Variants in WASF3 observed in about 807,000 individuals in gnomAD.
WASF3 encodes the protein WASP family member 3.
In WASF3, 11 loss-of-function variants were observed where a neutral mutation model predicts 46.6. The observed-to-expected ratio is 0.24, with a 90% confidence interval of 0.15 to 0.39. The LOEUF is 0.39. Among genes scored for constraint, WASF3 ranks in the 10% least tolerant of loss-of-function variants. WASF3 has a pLI of 1.00. For missense variants in WASF3, 576 were observed against 669.8 expected, an observed-to-expected ratio of 0.86 and a Z score of 1.55; for synonymous variants, 242 against 259.7, an observed-to-expected ratio of 0.93 and a Z score of 0.65.
intron 5 of WASF3, among the ~76,000 whole-genome samples, chr13:26,669,569 A>G (rs1470526192): frequency 6.6e-6 from 1 of 151,888 alleles, no homozygotes; most frequent in Non-Finnish European, 1.5e-5. Context: ...GCAGGAGTGC[A>G]ATGGCGCAGT....
intron 3 of WASF3, among the ~76,000 whole-genome samples, chr13:26,649,966 G>T (rs542039193): frequency 6.6e-5 from 10 of 152,092 alleles, no homozygotes; most frequent in Middle Eastern, 3.2e-3. Flanking sequence ...AGCTACTCGG[G>T]GGGAGAGGCA....
intron 1 of WASF3, among the ~76,000 whole-genome samples, chr13:26,578,887 A>C (rs1015058024): frequency 2.0e-5 from 3 of 151,888 alleles, no homozygotes; most frequent in African/African-American, 7.3e-5. Flanking sequence ...GATTTTGGGA[A>C]ATGCTTTTTC....
intron 1 of WASF3, among the ~76,000 whole-genome samples, chr13:26,590,691 A>G (rs1320824714): frequency 6.6e-6 from 1 of 152,226 alleles, no homozygotes; most frequent in African/African-American, 2.4e-5. Flanking sequence ...ATGTGGGAAT[A>G]AAATGCCACA....
chr13:26,587,102 C>CA (rs57542558), intron 1 of WASF3, among the ~76,000 whole-genome samples: 19,841 of 63,988 alleles, frequency 0.31, 2,887 homozygotes, highest in Non-Finnish European at 0.34. Flanking sequence ...GACCCTGCCT[C>CA]AAAAAAAAAA....
At chr13:26,572,651 G>A (rs1431156785) in intron 1 of WASF3, among the ~76,000 whole-genome samples, 1 of 151,754 alleles carries the variant, frequency 6.6e-6, no homozygotes, top group Non-Finnish European at 1.5e-5. Flanking sequence ...CTGCAACCTC[G>A]GCCTCCCAGA....
At chr13:26,559,806 T>TG (rs1879228095) in intron 1 of WASF3, among the ~76,000 whole-genome samples, 3 of 53,488 alleles carry the variant, frequency 5.6e-5, no homozygotes, top group Non-Finnish European at 1.1e-4. Context: ...CTTTCTTTCT[T>TG]TCTTTTTTTT....
chr13:26,543,807 T>C, the WASF3 span, among the ~76,000 whole-genome samples: 2 of 152,234 alleles, frequency 1.3e-5, no homozygotes, highest in African/African-American at 2.4e-5. Flanking sequence ...TGACCTCTTC[T>C]GGTTTCCATT....
intron 1 of WASF3, among the ~76,000 whole-genome samples, chr13:26,575,476 G>A (rs503851): frequency 0.84 from 128,611 of 152,214 alleles, 54,371 homozygotes; most frequent in East Asian, 0.9. Flanking sequence ...AATGTAATGT[G>A]TCAGTGTCTC....
At chr13:26,617,506 G>A (rs1881170540) in intron 2 of WASF3, among the ~76,000 whole-genome samples, 2 of 152,126 alleles carry the variant, frequency 1.3e-5, no homozygotes, top group South Asian at 4.1e-4. Context: ...TTCAGTGGAG[G>A]CTGTTTGGTG....
At chr13:26,627,697 A>G (rs186479830) in intron 2 of WASF3, among the ~76,000 whole-genome samples, 3 of 152,254 alleles carry the variant, frequency 2.0e-5, no homozygotes, top group Admixed American at 2.0e-4. Flanking sequence ...CTATAAACAC[A>G]TACAAATGTT....
At chr13:26,683,447 G>T (rs553862469) in intron 9 of WASF3, among the ~76,000 whole-genome samples, 7 of 151,216 alleles carry the variant, frequency 4.6e-5, no homozygotes, top group Non-Finnish European at 8.8e-5. Context: ...CTGCACTCCA[G>T]CCTAGGCGAC....
At chr13:26,578,971 T>G (rs1879885567) in intron 1 of WASF3, among the ~76,000 whole-genome samples, 2 of 150,278 alleles carry the variant, frequency 1.3e-5, no homozygotes, top group South Asian at 4.2e-4. Context: ...TAAGCTAACC[T>G]TATATTCTTG....
rs79158615 is a variant in WASF3 at position 26,654,106 on chromosome 13, C to T, written c.134-10922C>T. ...ACTATTCCGATCCAAGTCACTATGC[C>T]TCTTGCCTTCTGTTGGATTTCCAGT... is the stretch of plus-strand genomic sequence containing the variant. On this transcript the variant is annotated intron_variant, in intron 3 of 9. Coordinates refer to ENST00000335327, the MANE Select transcript of WASF3 (RefSeq NM_006646.6). Among the ~76,000 whole-genome samples, 77 of 152,288 alleles carry T rather than the reference C, an allele frequency of 5.1e-4. No individual in the cohort carries two copies. The East Asian group carries it at 0.012, about 23-fold the overall frequency.
intron 3 of WASF3, among the ~76,000 whole-genome samples, chr13:26,643,744 A>C (rs1882068004): frequency 6.6e-6 from 1 of 152,324 alleles, no homozygotes; most frequent in African/African-American, 2.4e-5. Flanking sequence ...TCAGAGTTTT[A>C]ATAATCAATC....
chr13:26,629,087 G>A (rs1486027559), intron 2 of WASF3, among the ~76,000 whole-genome samples: 2 of 152,232 alleles, frequency 1.3e-5, no homozygotes, highest in South Asian at 2.1e-4. Flanking sequence ...GCCCACGCTC[G>A]ACGTCCTTCA....
chr13:26,605,488 G>A (rs985948550), intron 1 of WASF3, among the ~76,000 whole-genome samples: 1 of 151,852 alleles, frequency 6.6e-6, no homozygotes, highest in African/African-American at 2.4e-5. Flanking sequence ...AGATTAGGAA[G>A]ATGCATTTTT....
At chr13:26,567,720 A>G (rs1326645881) in intron 1 of WASF3, among the ~76,000 whole-genome samples, 1 of 151,880 alleles carries the variant, frequency 6.6e-6, no homozygotes, top group African/African-American at 2.4e-5. Flanking sequence ...ATATATATAT[A>G]TAATCTCCCT....
Position 26,631,284 on chromosome 13 carries a change from C to A in WASF3, c.-10-10977C>A, listed in dbSNP as rs540394595. 6.0e-4 allele frequency among the ~76,000 whole-genome samples: 91 copies of A among 152,244 alleles called. 1 individual carries two copies. The highest frequency in any genetic ancestry group is 3.4e-3 in the Middle Eastern group (1 of 294). ...TGAATGGTATTGCCTAGGTTTTCTT[C>A]TAGAGTTTTTATGGTTTTAGGTCTA... On this transcript the variant is annotated intron_variant, in intron 2 of 9. Transcript: ENST00000335327.
chr13:26,556,912 C>G (rs892020588), upstream of WASF3, among the ~76,000 whole-genome samples: 2 of 152,118 alleles, frequency 1.3e-5, no homozygotes, highest in African/African-American at 2.4e-5. Flanking sequence ...TTTTAAACCC[C>G]TTTCCTTTGT....
Sources: allele counts gnomAD v4.1 joint callset (sites outside exome capture counted in the v4.1 genomes callset), GRCh38; gene constraint gnomAD v4.1.1; transcripts MANE v1.5; gene names NCBI Gene and HGNC (gene_info 2026-07-23, HGNC 2026-07-21).